Variants in EFNA5 observed in about 807,000 individuals in gnomAD.
The protein encoded by EFNA5 is ephrin A5, also known as ephrin-A5.
In EFNA5, 5 loss-of-function variants were observed where a neutral mutation model predicts 22.9. That is an observed-to-expected ratio of 0.22 (90% CI 0.11 to 0.46). The LOEUF (loss-of-function observed/expected upper bound fraction) is 0.46, where lower values mean the gene tolerates loss of function less well. EFNA5 is among the 20% of genes least tolerant of loss of function. The pLI is 0.99. For missense variants in EFNA5, 237 were observed against 293.3 expected (o/e 0.81, Z 1.40); for synonymous variants, 113 against 112.2 (o/e 1.01, Z -0.04).
chr5:107,478,913 A>G (rs1750380947), intron 1 of EFNA5, among the ~76,000 whole-genome samples: 1 of 152,214 alleles, frequency 6.6e-6, no homozygotes, highest in African/African-American at 2.4e-5. Flanking sequence ...AAAACATACA[A>G]TTAAGCACTG....
At chr5:107,512,461 T>C (rs1386156551) in intron 1 of EFNA5, among the ~76,000 whole-genome samples, 1 of 152,124 alleles carries the variant, frequency 6.6e-6, no homozygotes, top group Non-Finnish European at 1.5e-5. Context: ...TGTTTTTTTT[T>C]ACCTTCTAGG....
At chr5:107,617,237 C>CACAG (rs1385888674) in intron 1 of EFNA5, among the ~76,000 whole-genome samples, 1,706 of 144,454 alleles carry the variant, frequency 0.012, 26 homozygotes, top group African/African-American at 0.035. Flanking sequence ...CACACACACA[C>CACAG]AGAGAGAGAG....
At chr5:107,621,308 A>G (rs552746030) in intron 1 of EFNA5, among the ~76,000 whole-genome samples, 2 of 152,322 alleles carry the variant, frequency 1.3e-5, no homozygotes, top group South Asian at 2.1e-4. Context: ...TCCAGCCCTC[A>G]GCACTGGCAA....
intron 1 of EFNA5, among the ~76,000 whole-genome samples, chr5:107,604,861 C>T (rs146906448): frequency 2.6e-5 from 4 of 152,238 alleles, no homozygotes; most frequent in Non-Finnish European, 5.9e-5. Context: ...CACTGTCTCA[C>T]TTAGTGCTTA....
intron 1 of EFNA5, among the ~76,000 whole-genome samples, chr5:107,504,062 A>G (rs1747198057): frequency 2.6e-5 from 4 of 152,300 alleles, no homozygotes; most frequent in South Asian, 2.1e-4. Context: ...TTCAAACATC[A>G]GTTATATAAG....
At chr5:107,663,909 A>C (rs1039095616) in intron 1 of EFNA5, among the ~76,000 whole-genome samples, 12 of 152,152 alleles carry the variant, frequency 7.9e-5, no homozygotes, top group African/African-American at 2.9e-4. Context: ...CAATTGTATG[A>C]AGGATGTTTC....
intron 1 of EFNA5, among the ~76,000 whole-genome samples, chr5:107,533,248 T>C (rs62355613): frequency 0.044 from 6,689 of 152,272 alleles, 177 homozygotes; most frequent in South Asian, 0.065. Context: ...CTGCTCTCGA[T>C]ATGAAGCGGG....
At chr5:107,500,782 A>G (rs1747114454) in intron 1 of EFNA5, among the ~76,000 whole-genome samples, 1 of 152,216 alleles carries the variant, frequency 6.6e-6, no homozygotes, top group Admixed American at 6.5e-5. Context: ...GGGCTATATT[A>G]TAACAAAGGT....
intron 1 of EFNA5, among the ~76,000 whole-genome samples, chr5:107,449,408 T>C (rs1482845145): frequency 2.6e-5 from 4 of 151,244 alleles, no homozygotes; most frequent in African/African-American, 9.7e-5. Flanking sequence ...TCCCTGATGG[T>C]AAGTGGCAGA....
At chr5:107,562,530 G>A (rs568260016) in intron 1 of EFNA5, among the ~76,000 whole-genome samples, 10 of 152,136 alleles carry the variant, frequency 6.6e-5, no homozygotes, top group African/African-American at 2.4e-4. Flanking sequence ...ATCAAAGTTT[G>A]AATATAGTAT....
intron 1 of EFNA5, among the ~76,000 whole-genome samples, chr5:107,559,505 CA>C (rs977882584): frequency 4.6e-5 from 7 of 152,284 alleles, no homozygotes; most frequent in Admixed American, 4.6e-4. Context: ...ACAGTTCTCT[CA>C]TAATTTTTCT....
chr5:107,487,779 G>A (rs1439035476), intron 1 of EFNA5, among the ~76,000 whole-genome samples: 1 of 152,144 alleles, frequency 6.6e-6, no homozygotes, highest in East Asian at 1.9e-4. Context: ...TGAAAACAGG[G>A]TTTGTGTCCT....
chr5:107,637,916 G>A (rs540987452), intron 1 of EFNA5, among the ~76,000 whole-genome samples: 5 of 151,510 alleles, frequency 3.3e-5, no homozygotes, highest in East Asian at 1.9e-4. Flanking sequence ...GCACTATCTC[G>A]GCTAACTGCA....
At chr5:107,631,256 AAC>A (rs10616989) in intron 1 of EFNA5, among the ~76,000 whole-genome samples, 47,298 of 145,484 alleles carry the variant, frequency 0.33, 7,915 homozygotes, top group South Asian at 0.49. Context: ...CCTGACTACA[AAC>A]ACACACACAC....
chr5:107,535,094 C>T lies in EFNA5; in HGVS notation c.126-107585G>A, dbSNP rs142924306. ...TATTTCATTTAGCTATGTCTCACAC[C>T]TGGGGTATAAATAGAGTATAATAAC... On this transcript the variant is annotated intron_variant, in intron 1 of 4. Transcript: ENST00000333274. Among the ~76,000 whole-genome samples, 766 of 152,218 alleles carry T rather than the reference C, an allele frequency of 5.0e-3. 5 individuals are homozygous for T. Among genetic ancestry groups the T allele is most frequent in the African/African-American group, 0.017 (717 of 41,546 alleles).
In EFNA5 at chr5:107,515,803, C is replaced by T. The variant is rs556210021; in HGVS notation, c.126-88294G>A. 1.2e-4 allele frequency among the ~76,000 whole-genome samples: 18 copies of T among 152,324 alleles called. No individual in the cohort carries two copies. The South Asian group carries it at 1.9e-3, about 16-fold the overall frequency. On this transcript the variant is annotated intron_variant, in intron 1 of 4. Coordinates refer to ENST00000333274, the MANE Select transcript of EFNA5 (RefSeq NM_001962.3). ...TATAACCTCTTCCTACTCATGCTCA[C>T]GCCCCAAAGGCTATCTATCTATGAG...
Position 107,591,826 on chromosome 5 carries a change from A to AT in EFNA5, c.125+78662_125+78663insA, listed in dbSNP as rs1554068194. Reference sequence around the variant, plus strand: ...GCAAAGGGAGACTCCGTCTCAAAAAAATATATATATATATATAAAATATAT... The same window carrying AT: ...GCAAAGGGAGACTCCGTCTCAAAAAATATATATATATATATATAAAATATAT... On this transcript the variant is annotated intron_variant, in intron 1 of 4. Coordinates refer to ENST00000333274, the MANE Select transcript of EFNA5 (RefSeq NM_001962.3). Among the ~76,000 whole-genome samples the AT allele has an allele frequency of 6.2e-5, 6 of 96,580 alleles. No individual in the cohort carries two copies. The Admixed American group carries it at 6.5e-4, about 10-fold the overall frequency. The allele number at this position is 96,580 out of a possible 152,430, so 63.4% of individuals were successfully genotyped here.
chr5:107,521,284 CTTAT>C (rs150251506), intron 1 of EFNA5, among the ~76,000 whole-genome samples: 7,245 of 151,548 alleles, frequency 0.048, 255 homozygotes, highest in Non-Finnish European at 0.073. Context: ...TATGTATTTA[CTTAT>C]TTATTTATTT....
Position 107,641,021 on chromosome 5 carries a change from T to TAGATAGATAGAC in EFNA5, c.125+29467_125+29468insGTCTATCTATCT, listed in dbSNP as rs796272956. The stretch of plus-strand genomic sequence containing the variant: ...ATAGATAGATAGATAGATAGATAGA[T>TAGATAGATAGAC]AGACAGACAGACAGACAGATAGATA... On this transcript the variant is annotated intron_variant, in intron 1 of 4. Coordinates refer to ENST00000333274, the MANE Select transcript of EFNA5 (RefSeq NM_001962.3). Among the ~76,000 whole-genome samples, 944 of 111,972 alleles carry TAGATAGATAGAC rather than the reference T, an allele frequency of 8.4e-3. 5 individuals carry two copies. The highest frequency in any genetic ancestry group is 8.4e-3 in the Non-Finnish European group (398 of 47,114). 73.5% of individuals were successfully genotyped at this position (111,972 alleles called of 152,430 possible). A position where few individuals can be genotyped will look rare whatever the true frequency, so the allele number is the denominator to read the frequency against.
Sources: gnomAD v4.1 joint callset for allele counts (sites outside exome capture counted in the v4.1 genomes callset) on GRCh38, gnomAD v4.1.1 for gene constraint, MANE v1.5 for transcripts, NCBI Gene and HGNC (gene_info 2026-07-23, HGNC 2026-07-21) for gene names.